FAT3: variants seen among roughly 807,000 people sequenced by gnomAD.
The protein encoded by FAT3 is protocadherin Fat 3.
FAT3 carries 95 observed loss-of-function variants against 310.2 expected under a neutral mutation model. That is an observed-to-expected ratio of 0.31 (90% CI 0.26 to 0.36). FAT3 has a LOEUF of 0.36. FAT3 is among the 10% of genes least tolerant of loss of function. FAT3 has a pLI of 1.00. For missense variants in FAT3, 5,408 were observed against 5,715.6 expected, an observed-to-expected ratio of 0.95 and a Z score of 1.74; for synonymous variants, 2,314 against 2,192.9, an observed-to-expected ratio of 1.06 and a Z score of -1.54.
intron 2 of FAT3, among the ~76,000 whole-genome samples, chr11:92,467,140 C>T (rs1164153843): frequency 6.6e-6 from 1 of 152,060 alleles, no homozygotes; most frequent in Non-Finnish European, 1.5e-5. Flanking sequence ...GTTCTAGATC[C>T]CTGAGGAATC....
chr11:92,798,023 G>A lies in FAT3; in HGVS notation c.5010G>A (p.Lys1670=). The change falls in exon 10 of 28, where the codon AAG becomes AAA. Residue 1670 remains lysine, a synonymous_variant. Transcript: ENST00000525166. ...SVTMSDNSHP[K]FIHKDYQAEV... The stretch of plus-strand genomic sequence containing the variant: ...CCATGTCTGACAATTCTCACCCCAA[G>A]TTCATTCACAAAGACTACCAAGCAG... 1 of 1,613,842 alleles carries A rather than the reference G, an allele frequency of 6.2e-7. No individual in the cohort carries two copies. The highest frequency in any genetic ancestry group is 8.5e-7 in the Non-Finnish European group (1 of 1,179,864).
At chr11:92,374,355 T>C (rs11606920) in intron 2 of FAT3, among the ~76,000 whole-genome samples, 55,976 of 152,168 alleles carry the variant, frequency 0.37, 14,764 homozygotes, top group African/African-American at 0.75. Flanking sequence ...TATTATCAAG[T>C]GCTAAGCAGA....
At chr11:92,369,656 T>C (rs1289690929) in intron 2 of FAT3, among the ~76,000 whole-genome samples, 2 of 152,144 alleles carry the variant, frequency 1.3e-5, no homozygotes, top group African/African-American at 4.8e-5. Context: ...GAGACCATCC[T>C]GGTCAACATG....
intron 1 of FAT3, among the ~76,000 whole-genome samples, chr11:92,290,601 C>A (rs901640411): frequency 1.3e-5 from 2 of 151,158 alleles, no homozygotes; most frequent in Non-Finnish European, 2.9e-5. Context: ...CACACACACA[C>A]AAAAATACAA....
At chr11:92,463,979 TA>T (rs1951700075) in intron 2 of FAT3, among the ~76,000 whole-genome samples, 1 of 152,202 alleles carries the variant, frequency 6.6e-6, no homozygotes, top group African/African-American at 2.4e-5. Flanking sequence ...TGTTGGATAC[TA>T]AGCACCTAGC....
chr11:92,351,794 G>T (rs1173603720), intron 1 of FAT3, among the ~76,000 whole-genome samples: 2 of 151,994 alleles, frequency 1.3e-5, no homozygotes, highest in African/African-American at 4.8e-5. Context: ...TCTCTAAATT[G>T]ACCTTCAGAA....
intron 2 of FAT3, among the ~76,000 whole-genome samples, chr11:92,382,804 G>C (rs140080430): frequency 6.6e-6 from 1 of 152,256 alleles, no homozygotes; most frequent in East Asian, 1.9e-4. Flanking sequence ...GGTAGGCCAG[G>C]CTTCTGCCTT....
At chr11:92,323,782 A>G (rs1185254096) in intron 1 of FAT3, among the ~76,000 whole-genome samples, 1 of 152,210 alleles carries the variant, frequency 6.6e-6, no homozygotes, top group East Asian at 1.9e-4. Context: ...TAAAGTCACC[A>G]GCTGCATCAG....
At chr11:92,654,650 C>T (rs558775350) in intron 3 of FAT3, among the ~76,000 whole-genome samples, 1 of 152,230 alleles carries the variant, frequency 6.6e-6, no homozygotes, top group South Asian at 2.1e-4. Context: ...TTGGCCTGTC[C>T]CTAACCCAAC....
intron 4 of FAT3, among the ~76,000 whole-genome samples, chr11:92,700,801 T>TTC (rs1944077044): frequency 1.3e-5 from 2 of 152,192 alleles, no homozygotes; most frequent in African/African-American, 4.8e-5. Flanking sequence ...CTCTCTCTTT[T>TTC]TCTCTCTCTT....
At position 92,353,195 on chromosome 11, in the gene FAT3, A is replaced by C. The variant is rs1331406759; in HGVS notation, c.1083A>C (p.Ala361=). The stretch of plus-strand genomic sequence containing the variant: ...CTCAAAAATGTTCAGCATTAAAGGC[A>C]GTCTACATTGGCAACCCCACAAGAG... ...GSPQKCSALK[A]VYIGNPTRDT... The change falls in exon 2 of 28, where the codon GCA becomes GCC. Residue 361 remains alanine, a synonymous_variant. Transcript: ENST00000525166. 5.0e-6 allele frequency: 8 copies of C among 1,613,846 alleles called. No individual in the cohort carries two copies. The highest frequency in any genetic ancestry group is 2.2e-5 in the East Asian group (1 of 44,858).
intron 1 of FAT3, among the ~76,000 whole-genome samples, chr11:92,255,488 T>C (rs770078148): frequency 2.0e-5 from 3 of 152,078 alleles, no homozygotes; most frequent in Non-Finnish European, 4.4e-5. Context: ...ATTAAATATA[T>C]GAATGACTGA....
chr11:92,880,649 T>C, intron 22 of FAT3, 82 bp from the exon 23 acceptor site: 1 of 1,460,130 alleles, frequency 6.8e-7, no homozygotes, highest in Non-Finnish European at 9.2e-7. Context: ...AACAAAGAAT[T>C]AGGAGGACAT....
rs779329940 is a variant in FAT3 at position 92,353,503 on chromosome 11, A to T, written c.1391A>T (p.Asp464Val). The change falls in exon 2 of 28, where the codon GAT (aspartate) becomes GTT (valine). Residue 464 changes from aspartate to valine, a missense_variant. Physicochemically the swap from Asp to Val is radical, Grantham distance 152. Around this residue, in one of 5 missense-constraint regions of FAT3, gnomAD observed 4,588 missense variants for 4,809.8 expected, o/e 0.95. Coordinates refer to ENST00000525166, the MANE Select transcript of FAT3 (RefSeq NM_001367949.2). ...GCACAGGTCACCATCAGCATAGAAG[A>T]TGCAAATGACCACACCCCAGAATTT... ...LKAQVTISIE[D>V]ANDHTPEFQQ... The T allele has an allele frequency of 6.2e-7, 1 of 1,613,530 alleles. No homozygotes were observed. The highest frequency in any genetic ancestry group is 8.5e-7 in the Non-Finnish European group (1 of 1,179,730).
intron 2 of FAT3, among the ~76,000 whole-genome samples, chr11:92,451,375 C>A (rs1302891132): frequency 6.6e-6 from 1 of 152,152 alleles, no homozygotes; most frequent in Non-Finnish European, 1.5e-5. Context: ...GTCTCTGATT[C>A]CCTTGAGCGA....
chr11:92,646,718 C>A (rs888428560), intron 3 of FAT3, among the ~76,000 whole-genome samples: 11 of 152,278 alleles, frequency 7.2e-5, no homozygotes, highest in African/African-American at 2.6e-4. Context: ...AGGTTCAAAT[C>A]ATGAAGGTAC....
rs1947221143 is a variant in FAT3 at position 92,798,008 on chromosome 11, C to A, written c.4995C>A (p.Asp1665Glu). 6.2e-7 allele frequency: 1 copy of A among 1,613,778 alleles called. No homozygotes were observed. Among genetic ancestry groups the A allele is most frequent in the African/African-American group, 1.3e-5 (1 of 74,904 alleles). ...TGCGCATTTCCGTCACCATGTCTGA[C>A]AATTCTCACCCCAAGTTCATTCACA... ...AIVRISVTMS[D>E]NSHPKFIHKD... is the part of the protein sequence containing the mutation. The change falls in exon 10 of 28, where the codon GAC (aspartate) becomes GAA (glutamate). Residue 1665 changes from aspartate to glutamate, a missense_variant. Asp to Glu is a conservative substitution (Grantham distance 45). This residue lies in a region of FAT3 where 4,588 missense variants were observed against 4,809.8 expected (regional missense o/e 0.95). Transcript: ENST00000525166.
intron 1 of FAT3, among the ~76,000 whole-genome samples, chr11:92,238,837 A>C (rs1412444159): frequency 6.6e-6 from 1 of 152,144 alleles, no homozygotes; most frequent in Admixed American, 6.6e-5. Flanking sequence ...TGAAAAAAAC[A>C]GAGTACTTCT....
At chr11:92,721,502 A>G (rs767471882) in intron 4 of FAT3, among the ~76,000 whole-genome samples, 2 of 152,238 alleles carry the variant, frequency 1.3e-5, no homozygotes, top group Non-Finnish European at 2.9e-5. Context: ...ATACACTTAC[A>G]TAAACAATAA....
Sources: gnomAD v4.1 joint callset for allele counts (sites outside exome capture counted in the v4.1 genomes callset) on GRCh38, gnomAD v4.1.1 for gene constraint, gnomAD v4.1.1 regional missense constraint, MANE v1.5 for transcripts, NCBI Gene and HGNC (gene_info 2026-07-23, HGNC 2026-07-21) for gene names.